Variants in SIRT2 observed in about 807,000 individuals in gnomAD.
The protein encoded by SIRT2 is NAD-dependent protein deacetylase sirtuin-2.
In SIRT2, 40 loss-of-function variants were observed where a neutral mutation model predicts 57.4. The ratio of observed to expected loss-of-function variants is 0.70; its 90% CI spans 0.54 to 0.91. SIRT2 has a LOEUF of 0.91. Among genes scored for constraint, SIRT2 ranks in the 40% least tolerant of loss-of-function variants. The probability of loss-of-function intolerance (pLI) is 0.00; values close to 1 mark genes in which losing one functional copy is unlikely to be tolerated. For synonymous variants in SIRT2, 161 were observed against 195.7 expected (o/e 0.82, Z 1.48); for missense variants, 439 against 510.4 (o/e 0.86, Z 1.35).
At chr19:38,888,029 C>T (rs765450121) in intron 8 of SIRT2, among the ~76,000 whole-genome samples, 68 of 152,196 alleles carry the variant, frequency 4.5e-4, no homozygotes, top group Non-Finnish European at 7.5e-4. Flanking sequence ...GCTGGGATTA[C>T]AGGCGTGAGC....
At chr19:38,899,375 C>T (rs1046663925) in intron 1 of SIRT2, 131 bp downstream of exon 1, 8 of 993,340 alleles carry the variant, frequency 8.1e-6, no homozygotes, top group Non-Finnish European at 1.2e-5. Flanking sequence ...TAAGCAACAG[C>T]CCTCAGAATC....
chr19:38,886,193 C>T (rs749068348), intron 8 of SIRT2, among the ~76,000 whole-genome samples: 2 of 152,146 alleles, frequency 1.3e-5, no homozygotes, highest in Non-Finnish European at 2.9e-5. Flanking sequence ...GCCTTCTGGG[C>T]TCCCTACCAG....
chr19:38,887,052 C>T (rs1198712348), intron 8 of SIRT2, among the ~76,000 whole-genome samples: 1 of 152,104 alleles, frequency 6.6e-6, no homozygotes, highest in Non-Finnish European at 1.5e-5. Context: ...ACTCTCATGC[C>T]TCAGCCTCCT....
At chr19:38,882,189 A>AT (rs1193229333) in intron 9 of SIRT2, among the ~76,000 whole-genome samples, 2 of 149,626 alleles carry the variant, frequency 1.3e-5, no homozygotes, top group African/African-American at 2.5e-5. Context: ...GCTACATTTT[A>AT]TTTTTTTTAG....
At chr19:38,888,445 T>G (rs1973411911) in intron 8 of SIRT2, among the ~76,000 whole-genome samples, 1 of 152,208 alleles carries the variant, frequency 6.6e-6, no homozygotes. Flanking sequence ...GTGCTGGGAT[T>G]ACAGGTGTGA....
rs1490109319 is a variant in SIRT2, at chr19:38,893,191, CAG to C, written c.226+221_226+222del. On this transcript the variant is annotated intron_variant, in intron 4 of 15. Transcript: ENST00000249396. Reference sequence around the variant, plus strand: ...TACCCCAAAACAAGAAAAGCAGCATCAGAGAGAGTTATGATTTTTAACAAAGT... The same window carrying C: ...TACCCCAAAACAAGAAAAGCAGCATCAGAGAGTTATGATTTTTAACAAAGT... 6.6e-5 allele frequency among the ~76,000 whole-genome samples: 10 copies of C among 152,260 alleles called. No homozygotes were observed. In the East Asian group the frequency reaches 1.2e-3, roughly 18 times the overall value.
intron 8 of SIRT2, among the ~76,000 whole-genome samples, chr19:38,885,592 A>ATTTTTTTT (rs35779731): frequency 8.2e-6 from 1 of 122,476 alleles, no homozygotes; most frequent in Non-Finnish European, 1.7e-5. Context: ...ATGCGTGGCT[A>ATTTTTTTT]TTTTTTTTTT....
intron 4 of SIRT2, among the ~76,000 whole-genome samples, chr19:38,892,728 A>G (rs1973580792): frequency 7.4e-6 from 1 of 134,232 alleles, no homozygotes; most frequent in East Asian, 3.0e-4. Context: ...CAACGCCCCC[A>G]TATCTGACTA....
chr19:38,885,427 T>G (rs538943228), intron 8 of SIRT2, among the ~76,000 whole-genome samples: 6 of 150,100 alleles, frequency 4.0e-5, no homozygotes, highest in Admixed American at 4.0e-4. Context: ...TCTTTTCTTT[T>G]CTTTTTTTTT....
intron 2 of SIRT2, among the ~76,000 whole-genome samples, chr19:38,897,744 T>G (rs1009776509): frequency 6.6e-6 from 1 of 152,188 alleles, no homozygotes; most frequent in Non-Finnish European, 1.5e-5. Context: ...AAGACTGGTC[T>G]GGAACTCCTG....
At chr19:38,891,489 C>T (rs1399047774) in intron 4 of SIRT2, among the ~76,000 whole-genome samples, 1 of 152,138 alleles carries the variant, frequency 6.6e-6, no homozygotes, top group Non-Finnish European at 1.5e-5. Flanking sequence ...GCAGAGGTTG[C>T]AGTGAGCCAT....
intron 2 of SIRT2, 31 bp downstream of exon 2, chr19:38,898,348 C>A: frequency 7.0e-7 from 1 of 1,431,394 alleles, no homozygotes; most frequent in South Asian, 1.6e-5. Flanking sequence ...GTCCGTCTCT[C>A]TCCTCCCCTC....
At chr19:38,884,161 G>A (rs1973252675) in intron 8 of SIRT2, among the ~76,000 whole-genome samples, 1 of 150,914 alleles carries the variant, frequency 6.6e-6, no homozygotes, top group South Asian at 2.1e-4. Flanking sequence ...ATGAGGCCAG[G>A]CCCACAGCCA....
chr19:38,899,124 C>T (rs995662767), intron 1 of SIRT2, among the ~76,000 whole-genome samples: 10 of 152,022 alleles, frequency 6.6e-5, no homozygotes, highest in Non-Finnish European at 1.0e-4. Context: ...AGGAGAGGCG[C>T]GGAACAAGGG....
intron 1 of SIRT2, 121 bp downstream of exon 1, chr19:38,899,385 C>A: frequency 8.9e-7 from 1 of 1,124,042 alleles, no homozygotes; most frequent in Non-Finnish European, 1.3e-6. Flanking sequence ...CCCTCAGAAT[C>A]CCACTCCCCG....
chr19:38,889,988 T>A lies in SIRT2; in HGVS notation c.269-27A>T, dbSNP rs199533948. The A allele has an allele frequency of 1.8e-3, 2,899 of 1,611,540 alleles. 8 individuals are homozygous for A. The highest frequency in any genetic ancestry group is 2.3e-3 in the Non-Finnish European group (2,737 of 1,177,650). On this transcript the variant is annotated intron_variant, in intron 5 of 15. Transcript: ENST00000249396. Reference sequence around the variant, plus strand: ...TAGGAAAGGGGGGTCAGGGAGCAGTTGGTCTATACCATACTAACCCTCCCA... The same window carrying A: ...TAGGAAAGGGGGGTCAGGGAGCAGTAGGTCTATACCATACTAACCCTCCCA...
chr19:38,890,281 C>T (rs955698392), intron 4 of SIRT2, 137 bp from the exon 5 acceptor site: 10 of 788,268 alleles, frequency 1.3e-5, no homozygotes, highest in Admixed American at 2.2e-5. Flanking sequence ...ACGGGCCTTC[C>T]AATCATCTAG....
intron 2 of SIRT2, among the ~76,000 whole-genome samples, chr19:38,896,461 C>T (rs976580749): frequency 6.6e-6 from 1 of 152,122 alleles, no homozygotes; most frequent in Non-Finnish European, 1.5e-5. Context: ...TCAAGTGATC[C>T]CCCTGCCTCC....
At chr19:38,885,788 A>G in intron 8 of SIRT2, among the ~76,000 whole-genome samples, 1 of 151,630 alleles carries the variant, frequency 6.6e-6, no homozygotes. Flanking sequence ...ACGGGGTTTC[A>G]CCATGTTGGT....
Sources: allele counts gnomAD v4.1 joint callset (sites outside exome capture counted in the v4.1 genomes callset), GRCh38; gene constraint gnomAD v4.1.1; transcripts MANE v1.5; gene names NCBI Gene and HGNC (gene_info 2026-07-23, HGNC 2026-07-21).